UPB1: variants seen among roughly 807,000 people sequenced by gnomAD.
UPB1 encodes beta-ureidopropionase 1.
UPB1 carries 40 observed loss-of-function variants against 49.1 expected under a neutral mutation model. That is an observed-to-expected ratio of 0.81 (90% CI 0.63 to 1.06). The LOEUF (loss-of-function observed/expected upper bound fraction) is 1.06, where lower values mean the gene tolerates loss of function less well. Ranked by LOEUF, UPB1 falls within the 50% of genes least tolerant of loss-of-function variation. The pLI, the probability that UPB1 is intolerant of heterozygous loss-of-function variation, is 0.00. For synonymous variants in UPB1, 207 were observed against 198.2 expected, an observed-to-expected ratio of 1.04 and a Z score of -0.38; for missense variants, 499 against 505.9, an observed-to-expected ratio of 0.99 and a Z score of 0.13.
chr22:24,520,642 T>G (rs749014159), intron 7 of UPB1, among the ~76,000 whole-genome samples, 174 bp downstream of exon 7: 6 of 152,356 alleles, frequency 3.9e-5, no homozygotes, highest in Admixed American at 6.5e-5. Context: ...GTTTTTGTAT[T>G]TGGCTGAAGC....
chr22:24,509,361 G>GAAAAAAAAAAAAAAAAAAAAAAA (rs202081655), intron 3 of UPB1, among the ~76,000 whole-genome samples: 2 of 92,158 alleles, frequency 2.2e-5, no homozygotes, highest in African/African-American at 4.7e-5. Context: ...CCTACTGTTT[G>GAAAAAAAAAAAAAAAAAAAAAAA]AAAAAAAAAA....
chr22:24,504,723 C>CTTTTTTTTTTTTTTTTTTTTTTTTT (rs35606558), intron 3 of UPB1, among the ~76,000 whole-genome samples: 2 of 91,774 alleles, frequency 2.2e-5, no homozygotes, highest in African/African-American at 8.5e-5. Context: ...GTATTTCCTC[C>CTTTTTTTTTTTTTTTTTTTTTTTTT]TTTTTTTTTT....
chr22:24,502,540 C>T, intron 3 of UPB1: 4 of 779,288 alleles, frequency 5.1e-6, no homozygotes, highest in Non-Finnish European at 9.6e-6. Flanking sequence ...CTGACCAGGA[C>T]TTCTTTACCT....
intron 2 of UPB1, among the ~76,000 whole-genome samples, chr22:24,501,828 G>A (rs1220326173): frequency 1.3e-5 from 2 of 152,130 alleles, no homozygotes; most frequent in Admixed American, 6.5e-5. Context: ...GCCCTGGACC[G>A]GAAGCAGCAC....
chr22:24,520,278 C>G, intron 6 of UPB1, 109 bp from the exon 7 acceptor site: 1 of 1,264,364 alleles, frequency 7.9e-7, no homozygotes, highest in Non-Finnish European at 1.1e-6. Flanking sequence ...AGGCTCTGTC[C>G]CCACCACTGG....
Position 24,526,739 on chromosome 22 carries a change from ACT to A in UPB1, c.*948_*949del, listed in dbSNP as rs371467221. ...TTGATTGAACTTAAAGGCATCAATG[ACT>A]CTATTTCCATAGAGTCAGGGTAAAG... On this transcript the variant is annotated 3_prime_UTR_variant, in exon 10 of 10. Coordinates refer to ENST00000326010, the MANE Select transcript of UPB1 (RefSeq NM_016327.3). 1.3e-5 allele frequency: 2 copies of A among 152,132 alleles called. No individual in the cohort carries two copies. The highest frequency in any genetic ancestry group is 4.8e-5 in the African/African-American group (2 of 41,492). The allele number at this position is 152,132 out of a possible 1,614,324, so 9.4% of individuals were successfully genotyped here.
chr22:24,500,351 C>A, intron 2 of UPB1, 73 bp downstream of exon 2: 1 of 1,599,476 alleles, frequency 6.3e-7, no homozygotes. Flanking sequence ...CCTGCAGGCC[C>A]TGGCTGGCCG....
chr22:24,504,032 A>G (rs1353354202), intron 3 of UPB1, among the ~76,000 whole-genome samples: 1 of 152,198 alleles, frequency 6.6e-6, no homozygotes, highest in Non-Finnish European at 1.5e-5. Flanking sequence ...GCCAGTATAA[A>G]CAAGTTTCAC....
chr22:24,524,823 A>G (rs1301129228), intron 9 of UPB1, among the ~76,000 whole-genome samples: 1 of 152,158 alleles, frequency 6.6e-6, no homozygotes, highest in Non-Finnish European at 1.5e-5. Context: ...TGTATATGCA[A>G]ATGTCCATTG....
In UPB1 at chr22:24,496,386, CACACACACACACACACAT is replaced by C. The variant is rs1440644301; in HGVS notation, c.104+897_104+914del. Among the ~76,000 whole-genome samples the C allele has an allele frequency of 1.9e-3, 264 of 137,654 alleles. 2 individuals carry two copies. The highest frequency in any genetic ancestry group is 0.019 in the Middle Eastern group (5 of 266). 90.3% of individuals were successfully genotyped at this position (137,654 alleles called of 152,430 possible). Reference sequence around the variant, plus strand: ...GCCCTGTCTCAAACACACACACACACACACACACACACACACATACACACACACACACACACACACGTC... The same window carrying C: ...GCCCTGTCTCAAACACACACACACACACACACACACACACACACACACGTC... On this transcript the variant is annotated intron_variant, in intron 1 of 9. Coordinates refer to ENST00000326010, the MANE Select transcript of UPB1 (RefSeq NM_016327.3).
At chr22:24,506,698 G>GATAGT (rs1227811406) in intron 3 of UPB1, among the ~76,000 whole-genome samples, 3 of 152,186 alleles carry the variant, frequency 2.0e-5, no homozygotes, top group African/African-American at 7.2e-5. Flanking sequence ...GCTCCATGAG[G>GATAGT]ATAGTATCTG....
chr22:24,523,939 G>T (rs972963219), intron 9 of UPB1, among the ~76,000 whole-genome samples, 166 bp downstream of exon 9: 1 of 152,228 alleles, frequency 6.6e-6, no homozygotes. Flanking sequence ...GCTGGCTCCC[G>T]GGAGGAACAG....
At chr22:24,523,184 A>G (rs999022861) in intron 8 of UPB1, among the ~76,000 whole-genome samples, 9 of 151,940 alleles carry the variant, frequency 5.9e-5, no homozygotes, top group African/African-American at 2.2e-4. Context: ...CTCCTTACAC[A>G]TGTGTGGGGT....
intron 3 of UPB1, among the ~76,000 whole-genome samples, chr22:24,507,582 G>T (rs1280661843): frequency 6.6e-6 from 1 of 152,148 alleles, no homozygotes; most frequent in Non-Finnish European, 1.5e-5. Context: ...GGAGTAAAAG[G>T]AATAAAGGAG....
chr22:24,515,801 C>A (rs1429695835), intron 6 of UPB1, among the ~76,000 whole-genome samples: 1 of 152,072 alleles, frequency 6.6e-6, no homozygotes, highest in African/African-American at 2.4e-5. Context: ...CGTGGTGAAA[C>A]CCTGTCTCTA....
chr22:24,516,371 G>C (rs974001707), intron 6 of UPB1: 2 of 152,262 alleles, frequency 1.3e-5, no homozygotes, highest in Non-Finnish European at 2.9e-5. Flanking sequence ...GGGGCATCCA[G>C]CGAGCTGATC....
chr22:24,502,789 T>C, intron 3 of UPB1: 1 of 479,848 alleles, frequency 2.1e-6, no homozygotes, highest in Non-Finnish European at 3.7e-6. Flanking sequence ...CCTATTGACT[T>C]CCCCCTATGG....
intron 2 of UPB1, 46 bp from the exon 3 acceptor site, chr22:24,502,080 C>T: frequency 6.2e-7 from 1 of 1,604,312 alleles, no homozygotes; most frequent in South Asian, 1.1e-5. Flanking sequence ...TAAAAATTGC[C>T]TTACCAATAG....
intron 8 of UPB1, among the ~76,000 whole-genome samples, chr22:24,522,890 G>A (rs2044420025): frequency 6.7e-6 from 1 of 148,342 alleles, no homozygotes. Flanking sequence ...GTTGTGGTGA[G>A]CTGACATCGC....
Sources: allele counts gnomAD v4.1 joint callset (sites outside exome capture counted in the v4.1 genomes callset), GRCh38; gene constraint gnomAD v4.1.1; transcripts MANE v1.5; gene names NCBI Gene and HGNC (gene_info 2026-07-23, HGNC 2026-07-21).